The following SLC17A1 variants were observed in gnomAD, a reference collection of about 807,000 sequenced individuals.
The protein encoded by SLC17A1 is sodium-dependent phosphate transport protein 1.
Under a neutral mutation model 53.5 loss-of-function variants are expected in SLC17A1, and 51 were observed. That is an observed-to-expected ratio of 0.95 (90% CI 0.76 to 1.20). The LOEUF is 1.20. Ranked by LOEUF, SLC17A1 falls within the 50% of genes most tolerant of loss-of-function variation. The pLI is 0.00. For missense variants in SLC17A1, 538 were observed against 568.2 expected (o/e 0.95, Z 0.54); for synonymous variants, 179 against 198.8 (o/e 0.90, Z 0.84).
At chr6:25,768,854 C>A in the SLC17A1 span, 2 of 848,536 alleles carry the variant, frequency 2.4e-6, no homozygotes, top group Non-Finnish European at 3.7e-6. Context: ...CACTACACAC[C>A]TACAGAGGAA....
chr6:25,774,449 G>A, the SLC17A1 span, among the ~76,000 whole-genome samples: 1 of 152,188 alleles, frequency 6.6e-6, no homozygotes, highest in Non-Finnish European at 1.5e-5. Flanking sequence ...GTGCTAAGTA[G>A]CCAACAGAGA....
At chr6:25,769,978 T>G in the SLC17A1 span, 2 of 1,088,622 alleles carry the variant, frequency 1.8e-6, no homozygotes, top group African/African-American at 3.1e-5. Context: ...GAAAGATAAC[T>G]GCCAATTAAT....
At chr6:25,801,091 G>A (rs1165209) in intron 10 of SLC17A1, 111 bp from the exon 11 acceptor site, 397,957 of 659,366 alleles carry the variant, frequency 0.6, 125,279 homozygotes, top group African/African-American at 0.88. Context: ...GCAAGTTCCT[G>A]CTTCTCAAAT....
the SLC17A1 span, among the ~76,000 whole-genome samples, chr6:25,742,812 A>G: frequency 1.7e-4 from 26 of 152,308 alleles, no homozygotes; most frequent in Admixed American, 1.1e-3. Flanking sequence ...AAATAATAAT[A>G]AAATAAAAAC....
intron 10 of SLC17A1, among the ~76,000 whole-genome samples, chr6:25,810,534 A>G (rs1346544612): frequency 6.6e-6 from 1 of 152,158 alleles, no homozygotes; most frequent in Non-Finnish European, 1.5e-5. Context: ...AGGGAAATTC[A>G]AATTAAAACC....
At chr6:25,748,328 C>A in the SLC17A1 span, among the ~76,000 whole-genome samples, 1 of 152,062 alleles carries the variant, frequency 6.6e-6, no homozygotes, top group African/African-American at 2.4e-5. Flanking sequence ...CCCATATGAG[C>A]AAGAATCAGG....
the SLC17A1 span, among the ~76,000 whole-genome samples, chr6:25,744,997 CATT>C: frequency 1.4e-3 from 219 of 151,846 alleles, 2 homozygotes; most frequent in East Asian, 0.018. Context: ...CATTTTCCTT[CATT>C]TTTTTTTTGA....
the SLC17A1 span, among the ~76,000 whole-genome samples, chr6:25,736,805 C>T: frequency 2.2e-4 from 34 of 152,278 alleles, no homozygotes; most frequent in East Asian, 5.8e-3. Context: ...AAAATTAACA[C>T]CCTATTATCT....
chr6:25,731,812 C>G, the SLC17A1 span: 2 of 1,600,980 alleles, frequency 1.2e-6, no homozygotes, highest in Non-Finnish European at 8.5e-7. Flanking sequence ...TTGGTGACAG[C>G]CTTGGTGCCC....
chr6:25,796,722 C>T (rs934682104), intron 12 of SLC17A1, among the ~76,000 whole-genome samples: 2 of 152,148 alleles, frequency 1.3e-5, no homozygotes, highest in Admixed American at 1.3e-4. Context: ...AGGAAACTTA[C>T]TGAATTAATT....
At chr6:25,804,296 G>C (rs960633612) in intron 10 of SLC17A1, among the ~76,000 whole-genome samples, 6 of 152,120 alleles carry the variant, frequency 3.9e-5, no homozygotes, top group Non-Finnish European at 5.9e-5. Context: ...TGAAACTTAA[G>C]TTTCATAAAT....
the SLC17A1 span, chr6:25,769,928 A>G: frequency 1.6e-5 from 12 of 732,922 alleles, no homozygotes; most frequent in Non-Finnish European, 2.8e-5. Flanking sequence ...TTTTAAATAC[A>G]TGATACTGGT....
chr6:25,797,696 T>A (rs1165552647), intron 12 of SLC17A1, among the ~76,000 whole-genome samples: 4 of 151,330 alleles, frequency 2.6e-5, no homozygotes, highest in Non-Finnish European at 5.9e-5. Flanking sequence ...GCCTCCTGAG[T>A]TCAAGAGATT....
chr6:25,789,315 A>C lies in SLC17A1; in HGVS notation c.*3-6097T>G, dbSNP rs553017534. On this transcript the variant is annotated intron_variant, in intron 12 of 12. Coordinates refer to ENST00000244527, the MANE Select transcript of SLC17A1 (RefSeq NM_005074.5). ...AAGTAAACAAAAATAGTAATATATT[A>C]TAAATCACTAAATAAAACAAAATTA... is the stretch of plus-strand genomic sequence containing the variant. 1.8e-4 allele frequency among the ~76,000 whole-genome samples: 28 copies of C among 152,354 alleles called. No individual in the cohort carries two copies. The South Asian group carries it at 5.8e-3, about 32-fold the overall frequency.
At chr6:25,770,861 T>A in the SLC17A1 span, 1 of 1,271,764 alleles carries the variant, frequency 7.9e-7, no homozygotes, top group Non-Finnish European at 1.2e-6. Flanking sequence ...CTCAGCATTG[T>A]AGAAAGCACA....
intron 12 of SLC17A1, among the ~76,000 whole-genome samples, chr6:25,787,211 G>T: frequency 6.6e-6 from 1 of 152,024 alleles, no homozygotes; most frequent in East Asian, 1.9e-4. Context: ...TTGGAGGCCA[G>T]GTGCAGTGGC....
At chr6:25,728,675 G>A in the SLC17A1 span, among the ~76,000 whole-genome samples, 1 of 152,090 alleles carries the variant, frequency 6.6e-6, no homozygotes, top group Non-Finnish European at 1.5e-5. Context: ...TTAGCTGGGC[G>A]TGGTGGCACG....
intron 12 of SLC17A1, among the ~76,000 whole-genome samples, chr6:25,792,423 T>G (rs950411563): frequency 6.6e-6 from 1 of 151,896 alleles, no homozygotes; most frequent in African/African-American, 2.4e-5. Context: ...AGGTTAGGAG[T>G]TCCAGACCAG....
At chr6:25,753,747 T>C in the SLC17A1 span, among the ~76,000 whole-genome samples, 1 of 152,038 alleles carries the variant, frequency 6.6e-6, no homozygotes, top group African/African-American at 2.4e-5. Context: ...TCAGTTCTGC[T>C]TGCAGTCATA....
Sources: allele counts gnomAD v4.1 joint callset (sites outside exome capture counted in the v4.1 genomes callset), GRCh38; gene constraint gnomAD v4.1.1; transcripts MANE v1.5; gene names NCBI Gene and HGNC (gene_info 2026-07-23, HGNC 2026-07-21).